Variants in PPFIBP2 observed in about 807,000 individuals in gnomAD.
PPFIBP2 encodes the protein liprin-beta-2.
PPFIBP2 carries 118 observed loss-of-function variants against 118.3 expected under a neutral mutation model. That is an observed-to-expected ratio of 1.00 (90% CI 0.86 to 1.16). The LOEUF is 1.16. Among genes scored for constraint, PPFIBP2 ranks in the 50% most tolerant of loss-of-function variants. The probability of loss-of-function intolerance (pLI) is 0.00; values close to 1 mark genes in which losing one functional copy is unlikely to be tolerated. For missense variants in PPFIBP2, 1,195 were observed against 1,073.1 expected (o/e 1.11, Z -1.59); for synonymous variants, 414 against 397.4 (o/e 1.04, Z -0.50).
intron 2 of PPFIBP2, among the ~76,000 whole-genome samples, chr11:7,558,753 CA>C (rs573342518): frequency 2.2e-3 from 290 of 133,588 alleles, no homozygotes; most frequent in African/African-American, 4.6e-3. Context: ...AACTCTGTCT[CA>C]AAAAAAAAAA....
At chr11:7,612,801 C>A (rs1359401378) in intron 6 of PPFIBP2, among the ~76,000 whole-genome samples, 1 of 152,208 alleles carries the variant, frequency 6.6e-6, no homozygotes, top group African/African-American at 2.4e-5. Flanking sequence ...ACAAATTCCT[C>A]GTTCTTGTAA....
chr11:7,607,413 G>A (rs961826849), intron 5 of PPFIBP2, among the ~76,000 whole-genome samples: 51 of 151,668 alleles, frequency 3.4e-4, no homozygotes, highest in Non-Finnish European at 6.0e-4. Flanking sequence ...TAGAGGCAGG[G>A]TTCCACTATG....
intron 3 of PPFIBP2, among the ~76,000 whole-genome samples, chr11:7,581,587 G>A (rs1857260835): frequency 6.6e-6 from 1 of 152,148 alleles, no homozygotes; most frequent in African/African-American, 2.4e-5. Context: ...TGCAAAGGCA[G>A]ACACGGAGGT....
chr11:7,558,200 A>T (rs1853860446), intron 2 of PPFIBP2, among the ~76,000 whole-genome samples: 2 of 152,212 alleles, frequency 1.3e-5, no homozygotes, highest in South Asian at 4.1e-4. Context: ...TCTTCACTTG[A>T]ACACAGACTG....
chr11:7,528,364 C>T (rs1188864915), intron 1 of PPFIBP2, among the ~76,000 whole-genome samples: 2 of 152,156 alleles, frequency 1.3e-5, no homozygotes, highest in Non-Finnish European at 2.9e-5. Context: ...GAAACTGTTA[C>T]TCCCAGACCA....
At chr11:7,519,957 T>G (rs1322555250) in intron 1 of PPFIBP2, among the ~76,000 whole-genome samples, 1 of 152,184 alleles carries the variant, frequency 6.6e-6, no homozygotes, top group Non-Finnish European at 1.5e-5. Context: ...GAGAGGCGAC[T>G]GGAGGCTAAG....
chr11:7,642,570 T>G (rs1038514810), intron 17 of PPFIBP2, 144 bp downstream of exon 17: 26 of 908,204 alleles, frequency 2.9e-5, no homozygotes, highest in Non-Finnish European at 3.9e-5. Flanking sequence ...GTCCCTACAG[T>G]ACGTCATTTC....
chr11:7,624,950 G>A (rs1343143609), intron 7 of PPFIBP2, among the ~76,000 whole-genome samples: 1 of 152,178 alleles, frequency 6.6e-6, no homozygotes, highest in Non-Finnish European at 1.5e-5. Flanking sequence ...TACCTCTTCG[G>A]ACAGGACCTA....
At chr11:7,539,861 C>G (rs1851593074) in intron 1 of PPFIBP2, among the ~76,000 whole-genome samples, 1 of 152,218 alleles carries the variant, frequency 6.6e-6, no homozygotes, top group African/African-American at 2.4e-5. Context: ...AATAGCTTGG[C>G]TGTTGCTCAG....
chr11:7,609,079 C>T (rs1847752522), intron 5 of PPFIBP2, among the ~76,000 whole-genome samples: 1 of 152,234 alleles, frequency 6.6e-6, no homozygotes, highest in South Asian at 2.1e-4. Context: ...AGTTTGTTGC[C>T]TACCTTTCCC....
In PPFIBP2 at chr11:7,617,096, C is replaced by G. The variant is rs912401007; in HGVS notation, c.619-3839C>G. ...GACCTGGAGTGCTTTTCTCTTCTTT[C>G]TTTTCCTTCCTACAGTCGGTTCTGA... is the stretch of plus-strand genomic sequence containing the variant. On this transcript the variant is annotated intron_variant, in intron 6 of 23. Transcript: ENST00000299492. The G allele has an allele frequency of 5.1e-6, 5 of 985,026 alleles. No individual in the cohort carries two copies. The African/African-American group carries it at 8.7e-5, about 17-fold the overall frequency. The allele number at this position is 985,026 out of a possible 1,614,324, so 61.0% of individuals were successfully genotyped here.
chr11:7,519,319 TGGA>T (rs994952425), intron 1 of PPFIBP2, among the ~76,000 whole-genome samples: 1 of 151,926 alleles, frequency 6.6e-6, no homozygotes, highest in African/African-American at 2.4e-5. Context: ...GCTGCGAGAA[TGGA>T]GGAGAAGGAT....
Position 7,610,372 on chromosome 11 carries a change from G to A in PPFIBP2, c.568G>A (p.Gly190Ser), listed in dbSNP as rs372412124. Residue 190 changes from glycine to serine, a missense_variant, in exon 6 of 24, where the codon GGC becomes AGC. Transcript: ENST00000299492. ...EVSELKLKLV[G>S]MEKEQREQEE... Reference sequence around the variant, plus strand: ...GTCTGAGCTGAAGCTCAAGCTGGTTGGCATGGAGAAGGAGCAGAGAGAGCA... The same window carrying A: ...GTCTGAGCTGAAGCTCAAGCTGGTTAGCATGGAGAAGGAGCAGAGAGAGCA... The A allele has an allele frequency of 6.2e-7, 1 of 1,614,150 alleles. No individual in the cohort carries two copies. The highest frequency in any genetic ancestry group is 8.5e-7 in the Non-Finnish European group (1 of 1,180,030).
intron 21 of PPFIBP2, 95 bp downstream of exon 21, chr11:7,649,749 G>A: frequency 6.5e-7 from 1 of 1,531,492 alleles, no homozygotes; most frequent in Non-Finnish European, 8.9e-7. Context: ...TAAAAGCACT[G>A]TTTTTTGCAC....
At chr11:7,550,140 A>G (rs1852801793) in intron 2 of PPFIBP2, among the ~76,000 whole-genome samples, 1 of 152,232 alleles carries the variant, frequency 6.6e-6, no homozygotes, top group Non-Finnish European at 1.5e-5. Context: ...TAGCTGTTCC[A>G]GCTGATTCCT....
chr11:7,617,872 A>G (rs1848854896), intron 6 of PPFIBP2, among the ~76,000 whole-genome samples: 1 of 152,098 alleles, frequency 6.6e-6, no homozygotes, highest in Non-Finnish European at 1.5e-5. Flanking sequence ...CAACAGGGCC[A>G]TGTGGGGCTC....
rs535385584 is a variant in PPFIBP2 at position 7,568,174 on chromosome 11, A to T, written c.279+2407A>T. On this transcript the variant is annotated intron_variant, in intron 3 of 23. Coordinates refer to ENST00000299492, the MANE Select transcript of PPFIBP2 (RefSeq NM_003621.5). ...AACTCTGCCTCGTGACACCTATATC[A>T]GTTGGGATACTTTTTCCAGTAAAAT... Among the ~76,000 whole-genome samples, 201 of 152,308 alleles carry T rather than the reference A, an allele frequency of 1.3e-3. 1 individual carries two copies. The highest frequency in any genetic ancestry group is 2.3e-3 in the Non-Finnish European group (158 of 68,036).
chr11:7,533,731 G>A (rs1353167957), intron 1 of PPFIBP2, among the ~76,000 whole-genome samples: 2 of 152,184 alleles, frequency 1.3e-5, no homozygotes, highest in Non-Finnish European at 2.9e-5. Flanking sequence ...AAGCACCCAC[G>A]TAGAGGAAGT....
intron 3 of PPFIBP2, among the ~76,000 whole-genome samples, chr11:7,567,250 T>G (rs1855101607): frequency 6.6e-6 from 1 of 152,244 alleles, no homozygotes; most frequent in East Asian, 1.9e-4. Flanking sequence ...CTCCAATCCA[T>G]CAACAATATT....
Sources: allele counts gnomAD v4.1 joint callset (sites outside exome capture counted in the v4.1 genomes callset), GRCh38; gene constraint gnomAD v4.1.1; transcripts MANE v1.5; gene names NCBI Gene and HGNC (gene_info 2026-07-23, HGNC 2026-07-21).